CD44: variants seen among roughly 807,000 people sequenced by gnomAD.
CD44 encodes the protein CD44 molecule (IN blood group), also known as CD44 antigen.
In CD44, 49 loss-of-function variants were observed where a neutral mutation model predicts 88.8. The observed-to-expected ratio is 0.55, with a 90% CI of 0.44 to 0.70. CD44 has a LOEUF of 0.70. CD44 is among the 30% of genes least tolerant of loss of function. CD44 has a pLI of 0.00. For synonymous variants in CD44, 325 were observed against 312.3 expected (o/e 1.04, Z -0.43); for missense variants, 883 against 913.8 (o/e 0.97, Z 0.43).
At chr11:35,214,034 T>C (rs1948634220) in intron 14 of CD44, 1 of 151,540 alleles carries the variant, frequency 6.6e-6, no homozygotes, top group South Asian at 2.1e-4. Context: ...TTTTGAAAAA[T>C]GTGGGTGGGG....
chr11:35,205,895 C>G (rs1947791129), intron 10 of CD44: 3 of 1,197,102 alleles, frequency 2.5e-6, no homozygotes, highest in South Asian at 3.2e-5. Context: ...TTTGTGTCCT[C>G]CAGTTCACAT....
At chr11:35,146,740 G>C (rs532565195) in intron 1 of CD44, among the ~76,000 whole-genome samples, 2 of 152,104 alleles carry the variant, frequency 1.3e-5, no homozygotes, top group African/African-American at 4.8e-5. Context: ...TGCTTCTCTT[G>C]GTATATTAAG....
At chr11:35,151,392 A>T (rs1590910210) in intron 1 of CD44, among the ~76,000 whole-genome samples, 1 of 152,334 alleles carries the variant, frequency 6.6e-6, no homozygotes, top group East Asian at 1.9e-4. Flanking sequence ...AGAGTTCAGA[A>T]GCAGGCCAGC....
At position 35,186,828 on chromosome 11, in the gene CD44, A is replaced by G. The variant is rs759446399; in HGVS notation, c.368-4A>G. 5 of 1,592,740 alleles carry G rather than the reference A, an allele frequency of 3.1e-6. No homozygotes were observed. Among genetic ancestry groups the G allele is most frequent in the African/African-American group, 1.3e-5 (1 of 74,512 alleles). On this transcript the variant is annotated splice_region_variant and splice_polypyrimidine_tract_variant and intron_variant, in intron 3 of 17. Transcript: ENST00000428726. Reference sequence around the variant, plus strand: ...GTTCTCATCCTTTTTTTCCTACCTCATAGCTCCACCTGAAGAAGATTGTAC... The same window carrying G: ...GTTCTCATCCTTTTTTTCCTACCTCGTAGCTCCACCTGAAGAAGATTGTAC...
At chr11:35,144,055 C>G (rs17445902) in intron 1 of CD44, among the ~76,000 whole-genome samples, 10,674 of 152,264 alleles carry the variant, frequency 0.07, 449 homozygotes, top group Non-Finnish European at 0.09. Flanking sequence ...GGGTCTTGAA[C>G]TGAAACCCAG....
At chr11:35,182,758 A>C (rs1427161346) in intron 3 of CD44, among the ~76,000 whole-genome samples, 2 of 151,970 alleles carry the variant, frequency 1.3e-5, no homozygotes, top group Non-Finnish European at 2.9e-5. Context: ...GAGGCTATAC[A>C]CTCCTGAGTC....
intron 9 of CD44, 95 bp from the exon 10 acceptor site, chr11:35,204,417 C>A: frequency 1.7e-6 from 2 of 1,179,270 alleles, no homozygotes; most frequent in Non-Finnish European, 2.4e-6. Context: ...CCTTCCCTCC[C>A]CATGTGTATC....
chr11:35,221,039 G>A (rs936364155), intron 16 of CD44, among the ~76,000 whole-genome samples: 15 of 152,104 alleles, frequency 9.9e-5, no homozygotes, highest in Admixed American at 5.9e-4. Context: ...GATTACAGGC[G>A]TGAGCCACCG....
intron 3 of CD44, among the ~76,000 whole-genome samples, chr11:35,181,531 A>G (rs993874369): frequency 2.0e-5 from 3 of 151,438 alleles, no homozygotes; most frequent in African/African-American, 7.3e-5. Context: ...GGTGAAGGGA[A>G]AGATGAAGCC....
chr11:35,179,947 A>C (rs776428637), intron 2 of CD44, among the ~76,000 whole-genome samples: 71 of 152,248 alleles, frequency 4.7e-4, no homozygotes, highest in Admixed American at 9.2e-4. Flanking sequence ...CTCTTCTGTG[A>C]CTCAGGCTTC....
chr11:35,222,580 T>C (rs921804635), intron 17 of CD44: 3 of 830,326 alleles, frequency 3.6e-6, no homozygotes, highest in Non-Finnish European at 2.9e-6. Context: ...GTTTACATGT[T>C]ATTTACATTT....
At chr11:35,221,524 C>A in intron 16 of CD44, 130 bp from the exon 17 acceptor site, 1 of 759,008 alleles carries the variant, frequency 1.3e-6, no homozygotes, top group Non-Finnish European at 2.4e-6. Flanking sequence ...TTGGCTGGAC[C>A]TATTGGCCAG....
chr11:35,229,606 G>T lies in CD44; in HGVS notation c.*273G>T. 3 of 438,338 alleles carry T rather than the reference G, an allele frequency of 6.8e-6. No individual in the cohort carries two copies. Among genetic ancestry groups the T allele is most frequent in the Non-Finnish European group, 1.2e-5 (3 of 241,660 alleles). The allele number at this position is 438,338 out of a possible 1,614,324, so 27.2% of individuals were successfully genotyped here. ...CACTTGGAGGCCTTTCATCCCTCGGGTGTGCTATGGATGGCTTCTAACAAA... is the reference window on the plus strand; with the variant it reads ...CACTTGGAGGCCTTTCATCCCTCGGTTGTGCTATGGATGGCTTCTAACAAA... On this transcript the variant is annotated 3_prime_UTR_variant, in exon 18 of 18. Coordinates refer to ENST00000428726, the MANE Select transcript of CD44 (RefSeq NM_000610.4).
intron 1 of CD44, among the ~76,000 whole-genome samples, chr11:35,163,326 C>T (rs116211991): frequency 1.5e-3 from 232 of 151,572 alleles, no homozygotes; most frequent in African/African-American, 5.5e-3. Context: ...TGCTTGCATT[C>T]GGATAAGCTT....
intron 3 of CD44, among the ~76,000 whole-genome samples, chr11:35,182,412 A>G (rs1408366360): frequency 6.6e-6 from 1 of 152,120 alleles, no homozygotes; most frequent in African/African-American, 2.4e-5. Flanking sequence ...CACTGAATCT[A>G]TCGAGAGACA....
chr11:35,141,103 T>A (rs1052216639), intron 1 of CD44, among the ~76,000 whole-genome samples: 3 of 152,156 alleles, frequency 2.0e-5, no homozygotes, highest in African/African-American at 7.2e-5. Context: ...ATTTTCCATG[T>A]GTTATCTCAT....
intron 1 of CD44, among the ~76,000 whole-genome samples, chr11:35,148,800 A>G (rs561425249): frequency 6.6e-6 from 1 of 152,206 alleles, no homozygotes; most frequent in Non-Finnish European, 1.5e-5. Context: ...ATGTTTCTAG[A>G]CTTGGCTAGC....
chr11:35,183,731 A>G (rs537570338), intron 3 of CD44, among the ~76,000 whole-genome samples: 1 of 152,256 alleles, frequency 6.6e-6, no homozygotes, highest in South Asian at 2.1e-4. Context: ...TTGAGGCCCA[A>G]CGTGAGCCTG....
At chr11:35,148,078 C>A (rs993893119) in intron 1 of CD44, among the ~76,000 whole-genome samples, 6 of 150,962 alleles carry the variant, frequency 4.0e-5, no homozygotes, top group African/African-American at 1.5e-4. Context: ...GCAACAAGAG[C>A]GAAACTCGGT....
Sources: gnomAD v4.1 joint callset for allele counts (sites outside exome capture counted in the v4.1 genomes callset) on GRCh38, gnomAD v4.1.1 for gene constraint, MANE v1.5 for transcripts, NCBI Gene and HGNC (gene_info 2026-07-23, HGNC 2026-07-21) for gene names.